CFAP54: variants seen among roughly 807,000 people sequenced by gnomAD.
CFAP54 encodes cilia- and flagella-associated protein 54.
In CFAP54, 290 loss-of-function variants were observed where a neutral mutation model predicts 370.4. The observed-to-expected ratio is 0.78, with a 90% CI of 0.71 to 0.86. The LOEUF is 0.86. CFAP54 is among the 40% of genes least tolerant of loss of function. CFAP54 has a pLI of 0.00. For missense variants in CFAP54, 3,399 were observed against 3,528.7 expected, an observed-to-expected ratio of 0.96 and a Z score of 0.93; for synonymous variants, 1,206 against 1,236.5, an observed-to-expected ratio of 0.98 and a Z score of 0.52.
At chr12:96,660,004 A>G (rs975010182) in intron 38 of CFAP54, among the ~76,000 whole-genome samples, 3 of 152,250 alleles carry the variant, frequency 2.0e-5, no homozygotes, top group African/African-American at 7.2e-5. Context: ...GAAAATAAAC[A>G]TGTAAACAGA....
intron 19 of CFAP54, among the ~76,000 whole-genome samples, chr12:96,566,229 G>T (rs1181615418): frequency 6.6e-6 from 1 of 152,184 alleles, no homozygotes; most frequent in African/African-American, 2.4e-5. Flanking sequence ...GCAGTGGGAG[G>T]CAAGGATATC....
At chr12:96,838,440 A>G (rs940417389) in intron 66 of CFAP54, among the ~76,000 whole-genome samples, 20 of 152,182 alleles carry the variant, frequency 1.3e-4, no homozygotes, top group Non-Finnish European at 7.3e-5. Flanking sequence ...GGTAATTTAT[A>G]AAGAAAAAAG....
At chr12:96,627,379 T>A (rs1956559223) in intron 30 of CFAP54, among the ~76,000 whole-genome samples, 2 of 152,222 alleles carry the variant, frequency 1.3e-5, no homozygotes. Flanking sequence ...ACCTTAAAGC[T>A]GCCCCTCTTA....
chr12:96,528,549 C>T (rs1955407388), intron 9 of CFAP54, among the ~76,000 whole-genome samples: 1 of 152,106 alleles, frequency 6.6e-6, no homozygotes, highest in Non-Finnish European at 1.5e-5. Context: ...GTTGAATTTT[C>T]TGGTGCAGCC....
chr12:96,509,371 T>C (rs553995286), intron 4 of CFAP54, among the ~76,000 whole-genome samples: 1 of 152,328 alleles, frequency 6.6e-6, no homozygotes, highest in African/African-American at 2.4e-5. Flanking sequence ...TAGTCAAAAC[T>C]ATATTTGACT....
chr12:96,621,886 T>C (rs1448846376), intron 27 of CFAP54, among the ~76,000 whole-genome samples, 165 bp downstream of exon 27: 1 of 130,004 alleles, frequency 7.7e-6, no homozygotes, highest in Admixed American at 7.7e-5. Flanking sequence ...TTTTTTTTTT[T>C]TTTTTTTTTT....
chr12:96,574,931 A>G (rs1389484205), intron 19 of CFAP54, among the ~76,000 whole-genome samples: 1 of 152,136 alleles, frequency 6.6e-6, no homozygotes, highest in Non-Finnish European at 1.5e-5. Flanking sequence ...AAACATTTAA[A>G]ATGGCATAGG....
intron 26 of CFAP54, among the ~76,000 whole-genome samples, chr12:96,599,463 A>C (rs1956217241): frequency 1.3e-5 from 2 of 152,176 alleles, no homozygotes; most frequent in African/African-American, 2.4e-5. Flanking sequence ...GTGCCACAAT[A>C]AACATACATG....
chr12:96,720,295 T>C, intron 49 of CFAP54, 110 bp from the exon 50 acceptor site: 1 of 972,464 alleles, frequency 1.0e-6, no homozygotes, highest in East Asian at 3.1e-5. Flanking sequence ...TCCTTTTTGG[T>C]CTTCCATTCA....
chr12:96,745,161 T>C (rs898933410), intron 55 of CFAP54, among the ~76,000 whole-genome samples: 8 of 152,268 alleles, frequency 5.3e-5, no homozygotes, highest in Non-Finnish European at 1.2e-4. Flanking sequence ...TGCTTGCATA[T>C]ATTTTTAGAA....
intron 19 of CFAP54, among the ~76,000 whole-genome samples, chr12:96,568,145 CTTTT>C: frequency 7.9e-6 from 1 of 126,740 alleles, no homozygotes; most frequent in African/African-American, 2.9e-5. Context: ...GTTCTATTTG[CTTTT>C]TTTTTTTTTT....
At chr12:96,528,412 A>G (rs542163624) in intron 9 of CFAP54, among the ~76,000 whole-genome samples, 1 of 151,962 alleles carries the variant, frequency 6.6e-6, no homozygotes, top group Non-Finnish European at 1.5e-5. Context: ...CTTTCTTGTA[A>G]TGTTATTTTT....
chr12:96,582,262 G>A (rs899522429), intron 22 of CFAP54, among the ~76,000 whole-genome samples: 2 of 152,210 alleles, frequency 1.3e-5, no homozygotes, highest in African/African-American at 2.4e-5. Context: ...GTTTTTTGTC[G>A]AAATAGTTGT....
In CFAP54 at chr12:96,665,597, T is replaced by G. The variant is rs140139474; in HGVS notation, c.5563+1665T>G. On this transcript the variant is annotated intron_variant, in intron 39 of 67. Transcript: ENST00000524981. ...AGGGAATTTTTTTCCTATTGCTTGT[T>G]TTGTCAAGTTTGTTGAAGATTAGAT... Among the ~76,000 whole-genome samples the G allele has an allele frequency of 4.0e-3, 615 of 152,304 alleles. 5 individuals are homozygous for G. The highest frequency in any genetic ancestry group is 4.7e-3 in the Non-Finnish European group (321 of 68,018).
intron 8 of CFAP54, among the ~76,000 whole-genome samples, chr12:96,524,566 A>G (rs1248314969): frequency 1.3e-5 from 2 of 152,218 alleles, no homozygotes; most frequent in African/African-American, 4.8e-5. Flanking sequence ...CCTTGGGATA[A>G]CGGGCAGAAT....
chr12:96,671,426 C>G (rs1441789326), intron 39 of CFAP54, among the ~76,000 whole-genome samples: 1 of 152,124 alleles, frequency 6.6e-6, no homozygotes, highest in Non-Finnish European at 1.5e-5. Flanking sequence ...TAATCTGTTC[C>G]TCCTGATAAA....
intron 49 of CFAP54, among the ~76,000 whole-genome samples, chr12:96,719,785 G>C (rs1039963611): frequency 6.6e-6 from 1 of 152,080 alleles, no homozygotes; most frequent in South Asian, 2.1e-4. Context: ...CATGCTTTTT[G>C]AATTTTTGTC....
At chr12:96,731,255 C>T (rs1262059748) in intron 50 of CFAP54, among the ~76,000 whole-genome samples, 1 of 152,186 alleles carries the variant, frequency 6.6e-6, no homozygotes, top group Admixed American at 6.5e-5. Flanking sequence ...GCAGTAAAAT[C>T]TTGCACTTAT....
intron 35 of CFAP54, among the ~76,000 whole-genome samples, chr12:96,650,940 C>G (rs1356117878): frequency 1.3e-5 from 2 of 152,174 alleles, no homozygotes; most frequent in East Asian, 3.9e-4. Flanking sequence ...GGTCAGCAGT[C>G]TTGAAAGCAC....
Sources: allele counts gnomAD v4.1 joint callset (sites outside exome capture counted in the v4.1 genomes callset), GRCh38; gene constraint gnomAD v4.1.1; transcripts MANE v1.5; gene names NCBI Gene and HGNC (gene_info 2026-07-23, HGNC 2026-07-21).